IQCJ: variants seen among roughly 807,000 people sequenced by gnomAD.
The protein encoded by IQCJ is IQ domain-containing protein J.
A neutral mutation model predicts 11.0 loss-of-function variants in IQCJ; 9 were observed. The ratio of observed to expected loss-of-function variants is 0.82; its 90% CI spans 0.49 to 1.43. The LOEUF is 1.43. Ranked by LOEUF, IQCJ falls within the 40% of genes most tolerant of loss-of-function variation. The probability of loss-of-function intolerance (pLI) is 0.00; values close to 1 mark genes in which losing one functional copy is unlikely to be tolerated. For missense variants in IQCJ, 146 were observed against 133.2 expected (o/e 1.10, Z -0.47); for synonymous variants, 55 against 51.3 (o/e 1.07, Z -0.31).
At chr3:159,186,796 C>T (rs1723396751) in intron 1 of IQCJ, among the ~76,000 whole-genome samples, 1 of 152,228 alleles carries the variant, frequency 6.6e-6, no homozygotes, top group South Asian at 2.1e-4. Context: ...TCAATCTGAA[C>T]TAGCAGGTCT....
intron 1 of IQCJ, among the ~76,000 whole-genome samples, chr3:159,101,593 T>C (rs73027608): frequency 6.6e-6 from 1 of 152,178 alleles, no homozygotes; most frequent in Non-Finnish European, 1.5e-5. Flanking sequence ...TCTCTGCACC[T>C]CATCTTTGCC....
At chr3:159,216,980 A>G (rs1725273147) in intron 1 of IQCJ, among the ~76,000 whole-genome samples, 1 of 152,068 alleles carries the variant, frequency 6.6e-6, no homozygotes, top group South Asian at 2.1e-4. Context: ...TTTTTGTCCA[A>G]CAAATTTGAG....
chr3:159,091,128 A>G (rs1717248487), intron 1 of IQCJ, among the ~76,000 whole-genome samples: 2 of 151,740 alleles, frequency 1.3e-5, no homozygotes, highest in Admixed American at 1.3e-4. Flanking sequence ...TGTCATCTTC[A>G]TAATTCATCA....
intron 1 of IQCJ, among the ~76,000 whole-genome samples, chr3:159,124,305 T>C (rs1719547880): frequency 6.6e-6 from 1 of 152,232 alleles, no homozygotes. Flanking sequence ...ATCCACTTTG[T>C]GGCCACAGTA....
Position 159,263,321 on chromosome 3 carries a change from A to T in IQCJ, c.*590A>T. ...GAAATCTGCATTTTTAAGTGTTAGC[A>T]GCCAGTAAGAAAATTTAAAAGGTAA... On this transcript the variant is annotated 3_prime_UTR_variant, in exon 4 of 4. Transcript: ENST00000397832. 1 of 485,810 alleles carries T rather than the reference A, an allele frequency of 2.1e-6. No individual in the cohort carries two copies. Among genetic ancestry groups the T allele is most frequent in the Non-Finnish European group, 2.7e-6 (1 of 373,804 alleles). 30.1% of individuals were successfully genotyped at this position (485,810 alleles called of 1,614,324 possible).
intron 1 of IQCJ, among the ~76,000 whole-genome samples, chr3:159,198,974 C>A (rs1217179571): frequency 1.3e-5 from 2 of 152,122 alleles, no homozygotes; most frequent in African/African-American, 2.4e-5. Context: ...AAGGATTAGA[C>A]CCTTTAAGAA....
chr3:159,113,608 C>A (rs1220907653), intron 1 of IQCJ, among the ~76,000 whole-genome samples: 1 of 152,180 alleles, frequency 6.6e-6, no homozygotes, highest in Non-Finnish European at 1.5e-5. Context: ...CCTTACAACA[C>A]CTACAATGGG....
intron 1 of IQCJ, among the ~76,000 whole-genome samples, chr3:159,200,238 C>T (rs1009978584): frequency 6.6e-6 from 1 of 151,522 alleles, no homozygotes; most frequent in East Asian, 1.9e-4. Flanking sequence ...ATTGGCACAG[C>T]CAGAGCCGGT....
chr3:159,255,431 C>T (rs947540517), intron 3 of IQCJ, among the ~76,000 whole-genome samples: 7 of 152,200 alleles, frequency 4.6e-5, no homozygotes, highest in Non-Finnish European at 7.3e-5. Context: ...CCTTCACTGT[C>T]TACCTGTGGG....
At chr3:159,155,898 C>T (rs746189111) in intron 1 of IQCJ, among the ~76,000 whole-genome samples, 7 of 152,208 alleles carry the variant, frequency 4.6e-5, no homozygotes, top group Admixed American at 1.3e-4. Flanking sequence ...TAGCAGACAA[C>T]AGATGGGCGC....
chr3:159,124,923 A>G (rs1440568454), intron 1 of IQCJ, among the ~76,000 whole-genome samples: 2 of 152,202 alleles, frequency 1.3e-5, no homozygotes, highest in African/African-American at 4.8e-5. Context: ...GATTACCTCA[A>G]GAAGCACAAC....
In IQCJ at chr3:159,239,463, G is replaced by GA. The variant is rs539835377; in HGVS notation, c.10-6370dup. Among the ~76,000 whole-genome samples the GA allele has an allele frequency of 1.5e-3, 219 of 147,474 alleles. 2 individuals are homozygous for GA. In the South Asian group the frequency reaches 0.016, roughly 11 times the overall value. ...TCTTTATGCCCCCTAAGTCCCCAGA[G>GA]AAAAAAAAAATAGAAGAAAGCATAC... On this transcript the variant is annotated intron_variant, in intron 1 of 3. Coordinates refer to ENST00000397832, the MANE Select transcript of IQCJ (RefSeq NM_001042706.3).
chr3:159,145,332 C>T (rs1342633398), intron 1 of IQCJ, among the ~76,000 whole-genome samples: 3 of 152,218 alleles, frequency 2.0e-5, no homozygotes, highest in African/African-American at 7.2e-5. Flanking sequence ...GACCCATCTA[C>T]CCATGCATAG....
chr3:159,259,623 A>G (rs1380160768), intron 3 of IQCJ, among the ~76,000 whole-genome samples: 1 of 152,218 alleles, frequency 6.6e-6, no homozygotes, highest in Non-Finnish European at 1.5e-5. Context: ...TACTGGAACA[A>G]TTTAATCTTT....
intron 1 of IQCJ, among the ~76,000 whole-genome samples, chr3:159,221,305 A>G (rs982940813): frequency 6.6e-6 from 1 of 152,178 alleles, no homozygotes; most frequent in Non-Finnish European, 1.5e-5. Flanking sequence ...TATAATCAAT[A>G]TAAGGTGCCT....
At chr3:159,210,541 C>T (rs1480592842) in intron 1 of IQCJ, among the ~76,000 whole-genome samples, 1 of 152,182 alleles carries the variant, frequency 6.6e-6, no homozygotes, top group Non-Finnish European at 1.5e-5. Context: ...CTGTGGTACT[C>T]ATATCCCTGT....
At chr3:159,141,588 T>G (rs1200002517) in intron 1 of IQCJ, among the ~76,000 whole-genome samples, 1 of 152,222 alleles carries the variant, frequency 6.6e-6, no homozygotes. Context: ...AGTTTCTGAT[T>G]AGCTAAGAGA....
intron 1 of IQCJ, among the ~76,000 whole-genome samples, chr3:159,174,694 C>T (rs11717685): frequency 0.25 from 37,915 of 151,982 alleles, 5,081 homozygotes; most frequent in South Asian, 0.38. Flanking sequence ...TTCTTATCCA[C>T]ATTTATCCAT....
intron 1 of IQCJ, among the ~76,000 whole-genome samples, chr3:159,218,977 A>T (rs1449475632): frequency 6.6e-6 from 1 of 152,056 alleles, no homozygotes; most frequent in African/African-American, 2.4e-5. Flanking sequence ...GCAGCATAGC[A>T]CCTTCAAATC....
Sources: gnomAD v4.1 joint callset for allele counts (sites outside exome capture counted in the v4.1 genomes callset) on GRCh38, gnomAD v4.1.1 for gene constraint, MANE v1.5 for transcripts, NCBI Gene and HGNC (gene_info 2026-07-23, HGNC 2026-07-21) for gene names.